The following L3MBTL4 variants were observed in gnomAD, a reference collection of about 807,000 sequenced individuals.
The protein encoded by L3MBTL4 is lethal(3)malignant brain tumor-like protein 4.
Under a neutral mutation model 84.5 loss-of-function variants are expected in L3MBTL4, and 70 were observed. The ratio of observed to expected loss-of-function variants is 0.83; its 90% CI spans 0.68 to 1.01. The LOEUF (loss-of-function observed/expected upper bound fraction) is 1.01. Ranked by LOEUF, L3MBTL4 falls within the 50% of genes least tolerant of loss-of-function variation. L3MBTL4 has a pLI of 0.00. For missense variants in L3MBTL4, 715 were observed against 754.8 expected (o/e 0.95, Z 0.62); for synonymous variants, 274 against 259.8 (o/e 1.05, Z -0.52).
intron 16 of L3MBTL4, among the ~76,000 whole-genome samples, chr18:6,069,108 T>C (rs1358935178): frequency 2.0e-5 from 3 of 152,230 alleles, no homozygotes; most frequent in South Asian, 2.1e-4. Flanking sequence ...TTGATGGAGA[T>C]GGCAGGGCAG....
intron 4 of L3MBTL4, among the ~76,000 whole-genome samples, chr18:6,268,229 A>T (rs2048718588): frequency 6.6e-6 from 1 of 152,148 alleles, no homozygotes; most frequent in African/African-American, 2.4e-5. Flanking sequence ...AACACGGTGA[A>T]ACCCCGCTTC....
intron 16 of L3MBTL4, among the ~76,000 whole-genome samples, chr18:5,983,591 T>G (rs2053334224): frequency 6.6e-6 from 1 of 152,272 alleles, no homozygotes; most frequent in Non-Finnish European, 1.5e-5. Context: ...CACCACACTC[T>G]CAAGATCCTG....
intron 13 of L3MBTL4, among the ~76,000 whole-genome samples, chr18:6,141,940 A>G (rs2060208380): frequency 6.6e-6 from 1 of 152,180 alleles, no homozygotes; most frequent in South Asian, 2.1e-4. Context: ...CTCCTCATTC[A>G]GGATTCTGCA....
At chr18:6,312,110 T>C (rs547601) in intron 1 of L3MBTL4, 54 bp from the exon 2 acceptor site, 1,707 of 153,830 alleles carry the variant, frequency 0.011, 14 homozygotes, top group Non-Finnish European at 0.018. Context: ...ATGATCATTC[T>C]TCTGTATATT....
At chr18:6,106,721 C>T (rs1235088766) in intron 14 of L3MBTL4, among the ~76,000 whole-genome samples, 2 of 152,224 alleles carry the variant, frequency 1.3e-5, no homozygotes, top group Non-Finnish European at 2.9e-5. Context: ...CATACTAAAG[C>T]TGCACCTACC....
intron 18 of L3MBTL4, among the ~76,000 whole-genome samples, chr18:5,958,379 C>T (rs2095245375): frequency 6.6e-6 from 1 of 152,114 alleles, no homozygotes; most frequent in South Asian, 2.1e-4. Context: ...AGGCATTTTC[C>T]CCAAGGCAGA....
Position 6,414,294 on chromosome 18 carries a change from A to G in L3MBTL4, c.-91+507T>C, listed in dbSNP as rs2056097890. The G allele has an allele frequency of 6.6e-6, 1 of 152,448 alleles. No homozygotes were observed. The allele number at this position is 152,448 out of a possible 1,614,324, so 9.4% of individuals were successfully genotyped here. A position where few individuals can be genotyped will look rare whatever the true frequency, so the allele number is the denominator to read the frequency against. On this transcript the variant is annotated intron_variant, in intron 1 of 18. Transcript: ENST00000317931. The surrounding 1 kb of genome is among the most constrained non-coding windows in gnomAD (Gnocchi z 5.4). ...GCGCTCGCCCGTCCGGGCACACGAC[A>G]CTTGTCGGCTGAGGGGGACACGCGG...
chr18:6,413,217 G>A (rs2056044024), intron 1 of L3MBTL4, among the ~76,000 whole-genome samples: 1 of 152,222 alleles, frequency 6.6e-6, no homozygotes, highest in Non-Finnish European at 1.5e-5. Context: ...ACACTGCAGA[G>A]GTTAACCAAG....
At chr18:6,170,962 T>G (rs16949553) in intron 13 of L3MBTL4, among the ~76,000 whole-genome samples, 1 of 152,250 alleles carries the variant, frequency 6.6e-6, no homozygotes, top group Non-Finnish European at 1.5e-5. Context: ...AGGGCCTTCA[T>G]CTCTTTGATT....
chr18:6,413,834 T>C (rs1351578449), intron 1 of L3MBTL4: 4 of 152,334 alleles, frequency 2.6e-5, no homozygotes, highest in Non-Finnish European at 4.4e-5. Flanking sequence ...GGCCTTCCCT[T>C]TATTTAGTTC....
chr18:6,294,104 T>C (rs574395667), intron 4 of L3MBTL4, among the ~76,000 whole-genome samples: 40 of 152,284 alleles, frequency 2.6e-4, no homozygotes, highest in African/African-American at 8.9e-4. Flanking sequence ...ATGTAGGAAA[T>C]ACATAATAAT....
At chr18:6,197,505 G>T (rs527972577) in intron 12 of L3MBTL4, among the ~76,000 whole-genome samples, 2 of 152,228 alleles carry the variant, frequency 1.3e-5, no homozygotes, top group South Asian at 4.1e-4. Flanking sequence ...TCTTTTTCCA[G>T]TCTATCATTG....
intron 16 of L3MBTL4, among the ~76,000 whole-genome samples, chr18:5,977,637 C>T (rs1228087038): frequency 6.6e-6 from 1 of 152,242 alleles, no homozygotes; most frequent in Non-Finnish European, 1.5e-5. Flanking sequence ...CAGCCTCCAG[C>T]TTTCATTCCT....
intron 1 of L3MBTL4, among the ~76,000 whole-genome samples, chr18:6,402,255 A>C (rs570638932): frequency 3.3e-5 from 5 of 152,328 alleles, no homozygotes; most frequent in African/African-American, 1.2e-4. Context: ...AATTCATTGC[A>C]CAATCTACAT....
intron 1 of L3MBTL4, among the ~76,000 whole-genome samples, chr18:6,330,761 T>C (rs927551063): frequency 1.3e-5 from 2 of 152,256 alleles, no homozygotes; most frequent in Non-Finnish European, 2.9e-5. Context: ...ACAAACACTT[T>C]ATATAATAAT....
intron 1 of L3MBTL4, among the ~76,000 whole-genome samples, chr18:6,348,737 A>C (rs1400576078): frequency 6.6e-6 from 1 of 152,216 alleles, no homozygotes; most frequent in East Asian, 1.9e-4. Context: ...CCATCTGTTC[A>C]TTAAGAGGCT....
chr18:6,264,493 A>G (rs920217515), intron 4 of L3MBTL4, among the ~76,000 whole-genome samples: 9 of 152,202 alleles, frequency 5.9e-5, no homozygotes, highest in Admixed American at 5.9e-4. Context: ...AAGCTTAAAA[A>G]TCGTTCCTGG....
intron 13 of L3MBTL4, among the ~76,000 whole-genome samples, chr18:6,152,214 G>A (rs2042927390): frequency 6.6e-6 from 1 of 152,114 alleles, no homozygotes. Flanking sequence ...ATCTCTTAGA[G>A]ATACTTATTT....
chr18:6,159,011 G>A (rs1421010042), intron 13 of L3MBTL4, among the ~76,000 whole-genome samples: 1 of 152,200 alleles, frequency 6.6e-6, no homozygotes, highest in Non-Finnish European at 1.5e-5. Flanking sequence ...ATCTTCCTGG[G>A]AAGAGTGTGC....
Sources: gnomAD v4.1 joint callset for allele counts (sites outside exome capture counted in the v4.1 genomes callset) on GRCh38, gnomAD v4.1.1 for gene constraint, Gnocchi (gnomAD v3.1) non-coding constraint, MANE v1.5 for transcripts, NCBI Gene and HGNC (gene_info 2026-07-23, HGNC 2026-07-21) for gene names.